Variants in CAMTA1 observed in about 807,000 individuals in gnomAD.
The protein encoded by CAMTA1 is calmodulin binding transcription activator 1.
Under a neutral mutation model 170.9 loss-of-function variants are expected in CAMTA1, and 27 were observed. That is an observed-to-expected ratio of 0.16 (90% CI 0.12 to 0.22). The LOEUF (loss-of-function observed/expected upper bound fraction) is 0.22, where lower values mean the gene tolerates loss of function less well. Among genes scored for constraint, CAMTA1 ranks in the 10% least tolerant of loss-of-function variants. CAMTA1 has a pLI of 1.00. For synonymous variants in CAMTA1, 833 were observed against 891.5 expected, an observed-to-expected ratio of 0.93 and a Z score of 1.17; for missense variants, 1,619 against 2,217.2, an observed-to-expected ratio of 0.73 and a Z score of 5.42.
chr1:7,054,771 G>A (rs1707036381), intron 3 of CAMTA1, among the ~76,000 whole-genome samples: 1 of 152,198 alleles, frequency 6.6e-6, no homozygotes, highest in African/African-American at 2.4e-5. Context: ...TGCAGTATGG[G>A]ATGGTATATG....
intron 3 of CAMTA1, among the ~76,000 whole-genome samples, chr1:7,004,516 C>CT (rs1698696116): frequency 6.6e-6 from 1 of 152,092 alleles, no homozygotes; most frequent in Non-Finnish European, 1.5e-5. Flanking sequence ...GTTCTGCTTG[C>CT]TTTTTTTCTT....
chr1:7,138,476 C>T lies in CAMTA1; in HGVS notation c.302+47105C>T, dbSNP rs549490762. Among the ~76,000 whole-genome samples the T allele has an allele frequency of 3.9e-5, 6 of 152,198 alleles. No individual in the cohort carries two copies. In the South Asian group the frequency reaches 1.2e-3, roughly 32 times the overall value. The stretch of plus-strand genomic sequence containing the variant: ...TTTTTATGGATAATTAGAAAACAGT[C>T]GATGCTAATTTTGAAAAATTCAAAC... On this transcript the variant is annotated intron_variant, in intron 4 of 22. Coordinates refer to ENST00000303635, the MANE Select transcript of CAMTA1 (RefSeq NM_015215.4).
Position 7,041,173 on chromosome 1 carries a change from G to GC in CAMTA1, c.235-50129dup, listed in dbSNP as rs1282766948. On this transcript the variant is annotated intron_variant, in intron 3 of 22. Transcript: ENST00000303635. The surrounding 1 kb of genome is among the most constrained non-coding windows in gnomAD (Gnocchi z 5.1). ...CAAGCCAGTGCGGGCGACGGTGTCAGCCACCCTTGGTTCATTTTCTACACG... is the reference window on the plus strand; with the variant it reads ...CAAGCCAGTGCGGGCGACGGTGTCAGCCCACCCTTGGTTCATTTTCTACACG... 6.6e-6 allele frequency among the ~76,000 whole-genome samples: 1 copy of GC among 152,250 alleles called. No homozygotes were observed. The highest frequency in any genetic ancestry group is 1.5e-5 in the Non-Finnish European group (1 of 68,052).
At chr1:7,178,378 A>T (rs1651397809) in intron 4 of CAMTA1, among the ~76,000 whole-genome samples, 1 of 152,192 alleles carries the variant, frequency 6.6e-6, no homozygotes, top group South Asian at 2.1e-4. Flanking sequence ...CTACCAAATG[A>T]AGGCTCAGCA....
intron 5 of CAMTA1, chr1:7,440,959 G>A (rs978145012): frequency 2.0e-5 from 3 of 152,168 alleles, no homozygotes; most frequent in African/African-American, 7.2e-5. Context: ...CGGTAGCTCT[G>A]GGAAGCCAAC....
intron 3 of CAMTA1, among the ~76,000 whole-genome samples, chr1:6,924,054 A>G (rs1469753281): frequency 6.6e-6 from 1 of 152,222 alleles, no homozygotes; most frequent in African/African-American, 2.4e-5. Flanking sequence ...AGGCTTACCC[A>G]GAGTCAGTAA....
intron 5 of CAMTA1, among the ~76,000 whole-genome samples, chr1:7,266,428 T>A (rs1668944867): frequency 6.6e-6 from 1 of 152,254 alleles, no homozygotes; most frequent in South Asian, 2.1e-4. Flanking sequence ...GTCTGCCATT[T>A]ATCAGTTGAT....
At position 7,580,135 on chromosome 1, in the gene CAMTA1, C is replaced by T. The variant is rs2095246695; in HGVS notation, c.511-60265C>T. Among the ~76,000 whole-genome samples the T allele has an allele frequency of 6.6e-6, 1 of 152,270 alleles. No individual in the cohort carries two copies. The highest frequency in any genetic ancestry group is 1.5e-5 in the Non-Finnish European group (1 of 68,054). On this transcript the variant is annotated intron_variant, in intron 6 of 22. Transcript: ENST00000303635. The surrounding 1 kb of genome is among the most constrained non-coding windows in gnomAD (Gnocchi z 4.3). ...AGGGAGCATCCCTGCCCACAGCGGG[C>T]TCACAGTCCGAGAGGACACTGGTAT...
At chr1:7,445,729 T>A (rs1221573907) in intron 5 of CAMTA1, among the ~76,000 whole-genome samples, 1 of 152,210 alleles carries the variant, frequency 6.6e-6, no homozygotes, top group Admixed American at 6.5e-5. Context: ...TCAGTTTAAA[T>A]TTTTCAAGTC....
intron 4 of CAMTA1, among the ~76,000 whole-genome samples, chr1:7,177,878 T>C (rs1651265539): frequency 7.1e-6 from 1 of 141,174 alleles, no homozygotes; most frequent in Non-Finnish European, 1.5e-5. Flanking sequence ...ACACTGCGCC[T>C]CCTCCCCATA....
intron 3 of CAMTA1, among the ~76,000 whole-genome samples, chr1:6,906,196 C>T (rs1202675530): frequency 9.8e-6 from 1 of 101,612 alleles, no homozygotes; most frequent in Non-Finnish European, 2.2e-5. Context: ...ACTCCCAGGT[C>T]CTCCTCCTCC....
Position 7,454,146 on chromosome 1 carries a change from A to C in CAMTA1, c.439-13684A>C, listed in dbSNP as rs1220996209. Among the ~76,000 whole-genome samples the C allele has an allele frequency of 2.0e-5, 3 of 152,320 alleles. No homozygotes were observed. In the East Asian group the frequency reaches 5.8e-4, roughly 29 times the overall value. ...TTGGGCAGGGCTCTCGAGTCCTTGG[A>C]AGCTGCCGTTTATTTTAAAACAGCC... On this transcript the variant is annotated intron_variant, in intron 5 of 22. Coordinates refer to ENST00000303635, the MANE Select transcript of CAMTA1 (RefSeq NM_015215.4).
rs1203754119 is a variant in CAMTA1 at position 7,547,202 on chromosome 1, A to G, written c.510+79301A>G. ...ACAAGATGTTCCAGGCATATCTTGT[A>G]CTTTCCTGAAATCAACCATTTCTCC... On this transcript the variant is annotated intron_variant, in intron 6 of 22. Coordinates refer to ENST00000303635, the MANE Select transcript of CAMTA1 (RefSeq NM_015215.4). The surrounding 1 kb of genome is among the most constrained non-coding windows in gnomAD (Gnocchi z 5.7). Among the ~76,000 whole-genome samples, 2 of 152,168 alleles carry G rather than the reference A, an allele frequency of 1.3e-5. No individual in the cohort carries two copies. Among genetic ancestry groups the G allele is most frequent in the Non-Finnish European group, 2.9e-5 (2 of 68,026 alleles).
intron 3 of CAMTA1, among the ~76,000 whole-genome samples, chr1:6,975,310 T>A (rs958584997): frequency 1.3e-5 from 2 of 152,118 alleles, no homozygotes; most frequent in African/African-American, 4.8e-5. Context: ...TCGGTAAAAA[T>A]TAAGAAGCAG....
chr1:7,456,031 T>C lies in CAMTA1; in HGVS notation c.439-11799T>C, dbSNP rs930531180. Among the ~76,000 whole-genome samples the C allele has an allele frequency of 6.6e-6, 1 of 152,176 alleles. No homozygotes were observed. The highest frequency in any genetic ancestry group is 2.4e-5 in the African/African-American group (1 of 41,440). On this transcript the variant is annotated intron_variant, in intron 5 of 22. Coordinates refer to ENST00000303635, the MANE Select transcript of CAMTA1 (RefSeq NM_015215.4). The surrounding 1 kb of genome is among the most constrained non-coding windows in gnomAD (Gnocchi z 4.9). ...GAAATACACAACACCCCTGCTGGCCTAACAGGCTGTTGATAAGGAACACAT... is the reference window on the plus strand; with the variant it reads ...GAAATACACAACACCCCTGCTGGCCCAACAGGCTGTTGATAAGGAACACAT...
At chr1:6,847,439 G>A (rs1185491953) in intron 3 of CAMTA1, among the ~76,000 whole-genome samples, 2 of 152,022 alleles carry the variant, frequency 1.3e-5, no homozygotes, top group African/African-American at 2.4e-5. Flanking sequence ...TGGATAATTC[G>A]CTATGGCTAG....
chr1:6,801,619 A>G lies in CAMTA1; in HGVS notation c.45+16044A>G, dbSNP rs1570115538. 2.6e-5 allele frequency among the ~76,000 whole-genome samples: 4 copies of G among 152,238 alleles called. No homozygotes were observed. The South Asian group carries it at 6.2e-4, about 24-fold the overall frequency. On this transcript the variant is annotated intron_variant, in intron 1 of 22. Coordinates refer to ENST00000303635, the MANE Select transcript of CAMTA1 (RefSeq NM_015215.4). ...AATGTCCCTAATTTCACTAAATTGT[A>G]TGCTCAAAAAGGGTTAAAGTGGTAA...
chr1:7,412,678 G>GT (rs1381719321), intron 5 of CAMTA1, among the ~76,000 whole-genome samples: 13 of 151,996 alleles, frequency 8.6e-5, no homozygotes, highest in African/African-American at 3.1e-4. Flanking sequence ...TGAGTAGGTT[G>GT]CGAAAATTTT....
chr1:7,416,394 C>A (rs1030041586), intron 5 of CAMTA1, among the ~76,000 whole-genome samples: 1 of 152,228 alleles, frequency 6.6e-6, no homozygotes, highest in Admixed American at 6.5e-5. Flanking sequence ...CTTTCAGGCA[C>A]ACCAATCAGA....
Sources: allele counts gnomAD v4.1 joint callset (sites outside exome capture counted in the v4.1 genomes callset), GRCh38; gene constraint gnomAD v4.1.1; non-coding constraint Gnocchi (gnomAD v3.1); transcripts MANE v1.5; gene names NCBI Gene and HGNC (gene_info 2026-07-23, HGNC 2026-07-21).